The following RNF111 variants were observed in gnomAD, a reference collection of about 807,000 sequenced individuals.
RNF111 encodes the protein E3 ubiquitin-protein ligase Arkadia.
Under a neutral mutation model 95.1 loss-of-function variants are expected in RNF111, and 17 were observed. That is an observed-to-expected ratio of 0.18 (90% CI 0.12 to 0.27). The LOEUF (loss-of-function observed/expected upper bound fraction) is 0.27. RNF111 is among the 10% of genes least tolerant of loss of function. RNF111 has a pLI of 1.00. For synonymous variants in RNF111, 440 were observed against 414.8 expected, an observed-to-expected ratio of 1.06 and a Z score of -0.74; for missense variants, 1,189 against 1,210.4, an observed-to-expected ratio of 0.98 and a Z score of 0.26.
intron 2 of RNF111, among the ~76,000 whole-genome samples, chr15:59,036,927 C>T (rs1392576719): frequency 2.6e-5 from 4 of 151,774 alleles, no homozygotes; most frequent in Non-Finnish European, 4.4e-5. Flanking sequence ...CCTCCTTGGG[C>T]TCAGGTGATC....
At chr15:59,093,832 T>A (rs1021208203) in intron 13 of RNF111, among the ~76,000 whole-genome samples, 3 of 152,112 alleles carry the variant, frequency 2.0e-5, no homozygotes, top group African/African-American at 7.2e-5. Flanking sequence ...ACAAATAAGG[T>A]TTTTTGCACA....
chr15:59,074,527 T>C (rs2043082461), intron 6 of RNF111, among the ~76,000 whole-genome samples: 1 of 152,236 alleles, frequency 6.6e-6, no homozygotes, highest in Non-Finnish European at 1.5e-5. Context: ...ACCTCTGCTA[T>C]CTTCAGACTT....
Position 59,081,189 on chromosome 15 carries a change from T to C in RNF111, c.2202T>C (p.His734=). The stretch of plus-strand genomic sequence containing the variant: ...CTACACACCAGCCAATTTCGCACCA[T>C]ATTCCAGCCACAGCACCTCCAGCAC... The part of the protein sequence containing the change: ...LPPTHQPISH[H]IPATAPPAQR... Residue 734 remains histidine (H), a synonymous_variant, in exon 8 of 14, where the codon CAT becomes CAC. Coordinates refer to ENST00000348370, the MANE Select transcript of RNF111 (RefSeq NM_017610.8). 1 of 1,614,162 alleles carries C rather than the reference T, an allele frequency of 6.2e-7. No individual in the cohort carries two copies. The highest frequency in any genetic ancestry group is 8.5e-7 in the Non-Finnish European group (1 of 1,180,020).
chr15:59,002,299 C>A (rs1253902182), intron 1 of RNF111, among the ~76,000 whole-genome samples: 1 of 152,142 alleles, frequency 6.6e-6, no homozygotes, highest in Non-Finnish European at 1.5e-5. Context: ...TTTTAAAGAT[C>A]AACTCTTAAA....
intron 5 of RNF111, among the ~76,000 whole-genome samples, chr15:59,059,215 T>C (rs1210159031): frequency 1.3e-5 from 2 of 152,148 alleles, no homozygotes; most frequent in South Asian, 2.1e-4. Context: ...TGAATAGATA[T>C]TTCTGAAGAA....
At chr15:59,089,467 AT>A (rs1200875498) in intron 10 of RNF111, among the ~76,000 whole-genome samples, 199 bp from the exon 11 acceptor site, 4 of 152,184 alleles carry the variant, frequency 2.6e-5, no homozygotes, top group Non-Finnish European at 5.9e-5. Flanking sequence ...AAGTTTGGGC[AT>A]TTTGGAGAGT....
At chr15:58,994,889 C>T (rs1407997115) in intron 1 of RNF111, among the ~76,000 whole-genome samples, 3 of 152,096 alleles carry the variant, frequency 2.0e-5, no homozygotes, top group African/African-American at 7.2e-5. Flanking sequence ...TATCACTGCA[C>T]CAGTTACAAA....
intron 1 of RNF111, among the ~76,000 whole-genome samples, chr15:59,026,294 A>AT (rs201570889): frequency 4.6e-5 from 7 of 150,752 alleles, no homozygotes; most frequent in Non-Finnish European, 8.9e-5. Context: ...GAAAGTTAGT[A>AT]TTTTTTTTTA....
At chr15:59,019,913 C>G (rs149335005) in intron 1 of RNF111, among the ~76,000 whole-genome samples, 1 of 151,932 alleles carries the variant, frequency 6.6e-6, no homozygotes, top group Admixed American at 6.6e-5. Context: ...GAGTCGAGAT[C>G]GTGCCACTGC....
chr15:59,073,734 C>A (rs1001392202), intron 6 of RNF111, among the ~76,000 whole-genome samples: 1 of 152,146 alleles, frequency 6.6e-6, no homozygotes, highest in South Asian at 2.1e-4. Flanking sequence ...CTTCCATGAA[C>A]CACAAATGTT....
intron 6 of RNF111, among the ~76,000 whole-genome samples, chr15:59,074,301 T>C (rs937099473): frequency 3.3e-5 from 5 of 152,220 alleles, no homozygotes; most frequent in Admixed American, 6.5e-5. Flanking sequence ...AAGCCAGCCA[T>C]TGACTTCTCT....
At chr15:59,051,411 T>TG (rs1358431871) in intron 2 of RNF111, among the ~76,000 whole-genome samples, 1 of 140,082 alleles carries the variant, frequency 7.1e-6, no homozygotes, top group East Asian at 2.1e-4. Flanking sequence ...TGAGCAGAGA[T>TG]GGCGCCACTG....
Position 59,096,630 on chromosome 15 carries a change from G to T in RNF111, c.*1730G>T, listed in dbSNP as rs1206008032. 1.3e-5 allele frequency: 2 copies of T among 152,378 alleles called. No homozygotes were observed. Among genetic ancestry groups the T allele is most frequent in the Admixed American group, 1.3e-4 (2 of 15,302 alleles). The allele number at this position is 152,378 out of a possible 1,614,324, so 9.4% of individuals were successfully genotyped here. A position where few individuals can be genotyped will look rare whatever the true frequency, so the allele number is the denominator to read the frequency against. ...ATGTTAACAGGCTTCAACATAGTAT[G>T]TGTGCAGATGGACGATGGATTTAAA... On this transcript the variant is annotated 3_prime_UTR_variant, in exon 14 of 14. Transcript: ENST00000348370.
intron 6 of RNF111, among the ~76,000 whole-genome samples, chr15:59,072,865 C>T (rs1475130716): frequency 2.0e-5 from 3 of 147,468 alleles, no homozygotes; most frequent in African/African-American, 7.6e-5. Context: ...GTCTGGGGCC[C>T]TGCAATTTTT....
At chr15:59,057,381 T>C (rs1474411841) in intron 4 of RNF111, among the ~76,000 whole-genome samples, 1 of 152,168 alleles carries the variant, frequency 6.6e-6, no homozygotes, top group Non-Finnish European at 1.5e-5. Flanking sequence ...ATTCAAAGTG[T>C]CCCATATAGA....
chr15:59,035,494 G>A (rs957543033), intron 2 of RNF111, among the ~76,000 whole-genome samples: 9 of 152,164 alleles, frequency 5.9e-5, no homozygotes, highest in Admixed American at 5.2e-4. Flanking sequence ...AATTATACCC[G>A]TTAATATTTC....
chr15:59,068,991 T>C (rs1261365441), intron 6 of RNF111, among the ~76,000 whole-genome samples: 1 of 150,396 alleles, frequency 6.6e-6, no homozygotes, highest in Admixed American at 6.7e-5. Flanking sequence ...GGAGAATCGA[T>C]TGAACGTGGG....
intron 5 of RNF111, among the ~76,000 whole-genome samples, chr15:59,059,065 A>C: frequency 6.6e-6 from 1 of 152,158 alleles, no homozygotes; most frequent in East Asian, 1.9e-4. Context: ...ATCACTTGAG[A>C]CCAGGAGTTC....
At chr15:59,088,508 C>T (rs1205064735) in intron 10 of RNF111, among the ~76,000 whole-genome samples, 12 of 152,068 alleles carry the variant, frequency 7.9e-5, no homozygotes, top group African/African-American at 2.7e-4. Flanking sequence ...ATGAAGTGTC[C>T]GTTAAAGCTA....
Sources: gnomAD v4.1 joint callset for allele counts (sites outside exome capture counted in the v4.1 genomes callset) on GRCh38, gnomAD v4.1.1 for gene constraint, MANE v1.5 for transcripts, NCBI Gene and HGNC (gene_info 2026-07-23, HGNC 2026-07-21) for gene names.